Variants in PWWP3A observed in about 807,000 individuals in gnomAD.
PWWP3A encodes PWWP domain containing 3A, DNA repair factor, also known as PWWP domain-containing DNA repair factor 3A.
PWWP3A carries 53 observed loss-of-function variants against 79.0 expected under a neutral mutation model. The observed-to-expected ratio is 0.67, with a 90% CI of 0.54 to 0.84. The LOEUF is 0.84. PWWP3A is among the 40% of genes least tolerant of loss of function. The pLI is 0.00. For missense variants in PWWP3A, 973 were observed against 948.0 expected (o/e 1.03, Z -0.35); for synonymous variants, 443 against 394.4 (o/e 1.12, Z -1.46).
In PWWP3A at chr19:1,360,558, C is replaced by A. The variant is rs769128072; in HGVS notation, c.637C>A (p.Leu213Ile). Residue 213 changes from leucine to isoleucine, a missense_variant, in exon 5 of 14, where the codon CTT (leucine) becomes ATT (isoleucine). Transcript: ENST00000591337. This position sits in a 1 kb window ranked among gnomAD's most constrained non-coding sequence, Gnocchi z 4.4. ...GSRIHHKNWTLASKRGGNSAQ... is the reference protein window; with the variant it reads ...GSRIHHKNWTIASKRGGNSAQ... ...CAGAATCCACCACAAAAATTGGACT[C>A]TTGCAAGTAAGAGGGGAGGAAACTC... 2 of 1,614,236 alleles carry A rather than the reference C, an allele frequency of 1.2e-6. No individual in the cohort carries two copies. Among genetic ancestry groups the A allele is most frequent in the South Asian group, 2.2e-5 (2 of 91,088 alleles).
chr19:1,356,924 C>T, intron 2 of PWWP3A, 85 bp from the exon 3 acceptor site: 1 of 1,048,266 alleles, frequency 9.5e-7, no homozygotes, highest in Non-Finnish European at 1.4e-6. Flanking sequence ...TTCAGGATTA[C>T]CTGCTGCATT....
Position 1,375,566 on chromosome 19 carries a change from A to AATAATTTTATATATTGT in PWWP3A, c.2076-950_2076-949insATTTTATATATTGTATA, listed in dbSNP as rs1568965688. On this transcript the variant is annotated intron_variant, in intron 13 of 13. Coordinates refer to ENST00000591337, the MANE Select transcript of PWWP3A (RefSeq NM_001369789.1). ...TATATAAAATATATATTATATATAA[A>AATAATTTTATATATTGT]ATATATTATATATAAAATGTATAAT... Among the ~76,000 whole-genome samples, 6 of 81,316 alleles carry AATAATTTTATATATTGT rather than the reference A, an allele frequency of 7.4e-5. No individual in the cohort carries two copies. The South Asian group carries it at 1.1e-3, about 15-fold the overall frequency. The allele number at this position is 81,316 out of a possible 152,430, so 53.3% of individuals were successfully genotyped here.
At chr19:1,373,029 T>A (rs755887351) in intron 12 of PWWP3A, 43 bp from the exon 13 acceptor site, 3 of 1,588,966 alleles carry the variant, frequency 1.9e-6, no homozygotes, top group South Asian at 1.1e-5. Flanking sequence ...TTGGGGCCAG[T>A]TGGGCAGTGC....
At chr19:1,367,400 G>A (rs1419483298) in intron 9 of PWWP3A, among the ~76,000 whole-genome samples, 180 bp downstream of exon 9, 1 of 152,236 alleles carries the variant, frequency 6.6e-6, no homozygotes, top group Non-Finnish European at 1.5e-5. Flanking sequence ...CAGTCACTGC[G>A]CTGAATTCTC....
chr19:1,364,492 TTTTTC>T lies in PWWP3A; in HGVS notation c.1214-13_1214-9del. On this transcript the variant is annotated splice_polypyrimidine_tract_variant and intron_variant, in intron 6 of 13. Coordinates refer to ENST00000591337, the MANE Select transcript of PWWP3A (RefSeq NM_001369789.1). ...TCTATTCTTTTTTTTTTGTTTTTCT[TTTTTC>T]TTTAATTCTAGAACCACGTTCGTTT... The T allele has an allele frequency of 6.3e-7, 1 of 1,577,444 alleles. No individual in the cohort carries two copies. The highest frequency in any genetic ancestry group is 2.2e-5 in the East Asian group (1 of 44,746).
chr19:1,356,246 C>G (rs2081861769), intron 1 of PWWP3A, 78 bp from the exon 2 acceptor site: 2 of 758,772 alleles, frequency 2.6e-6, no homozygotes, highest in African/African-American at 1.7e-5. Flanking sequence ...TCGAGCTAAC[C>G]TTTGCCCCTG....
chr19:1,369,303 G>A lies in PWWP3A; in HGVS notation c.1461G>A (p.Trp487Ter). 6.2e-7 allele frequency: 1 copy of A among 1,614,112 alleles called. No homozygotes were observed. The highest frequency in any genetic ancestry group is 8.5e-7 in the Non-Finnish European group (1 of 1,180,030). Reference protein sequence around the residue: ...AREDFNQDIGWCVSLITDYRV... With the variant: ...AREDFNQDIG Reference sequence around the variant, plus strand: ...AGGACTTCAACCAGGACATCGGCTGGTGTGTCTCCCTCATCACCGACTACA... The same window carrying A: ...AGGACTTCAACCAGGACATCGGCTGATGTGTCTCCCTCATCACCGACTACA... Residue 487 changes from tryptophan to a stop codon, truncating the protein, a stop_gained, in exon 10 of 14, where the codon TGG becomes TGA. Transcript: ENST00000591337. LOFTEE classifies it high-confidence loss of function. The surrounding 1 kb of genome is among the most constrained non-coding windows in gnomAD (Gnocchi z 4.0).
intron 11 of PWWP3A, among the ~76,000 whole-genome samples, chr19:1,370,227 C>T (rs986504539): frequency 1.8e-4 from 28 of 152,158 alleles, no homozygotes; most frequent in African/African-American, 6.8e-4. Flanking sequence ...CAGAGCAAGA[C>T]CTGGTCTCAA....
chr19:1,374,505 C>G (rs1050991329), intron 13 of PWWP3A: 1 of 152,240 alleles, frequency 6.6e-6, no homozygotes, highest in African/African-American at 2.4e-5. Context: ...CCATGAGCCT[C>G]TCTGCACTCT....
chr19:1,369,158 G>A lies in PWWP3A; in HGVS notation c.1423-107G>A, dbSNP rs189113809. On this transcript the variant is annotated intron_variant, in intron 9 of 13. Transcript: ENST00000591337. This position sits in a 1 kb window ranked among gnomAD's most constrained non-coding sequence, Gnocchi z 4.0. Reference sequence around the variant, plus strand: ...GAGGGTCAGAGGTGCGGGCTGGAGCGTGAGCAGCCTGGACACCTGGCTGGT... The same window carrying A: ...GAGGGTCAGAGGTGCGGGCTGGAGCATGAGCAGCCTGGACACCTGGCTGGT... The A allele has an allele frequency of 4.4e-5, 44 of 989,018 alleles. No homozygotes were observed. The highest frequency in any genetic ancestry group is 2.4e-4 in the African/African-American group (15 of 62,508). The allele number at this position is 989,018 out of a possible 1,614,324, so 61.3% of individuals were successfully genotyped here.
chr19:1,368,182 C>CA lies in PWWP3A; in HGVS notation c.1422+965dup, dbSNP rs574399352. 1.3e-5 allele frequency among the ~76,000 whole-genome samples: 2 copies of CA among 152,178 alleles called. No individual in the cohort carries two copies. The highest frequency in any genetic ancestry group is 2.9e-5 in the Non-Finnish European group (2 of 68,028). On this transcript the variant is annotated intron_variant, in intron 9 of 13. Transcript: ENST00000591337. The surrounding 1 kb of genome is among the most constrained non-coding windows in gnomAD (Gnocchi z 4.7). Reference sequence around the variant, plus strand: ...TCATGATCCGCCTGCCTCAGCCTCTCAAAGTGCTGGGATTACAGGTGTGAG... The same window carrying CA: ...TCATGATCCGCCTGCCTCAGCCTCTCAAAAGTGCTGGGATTACAGGTGTGAG...
chr19:1,360,257 A>C lies in PWWP3A; in HGVS notation c.336A>C (p.Thr112=), dbSNP rs761827764. 8.1e-6 allele frequency: 13 copies of C among 1,613,918 alleles called. No individual in the cohort carries two copies. Among genetic ancestry groups the C allele is most frequent in the Admixed American group, 1.7e-5 (1 of 59,968 alleles). The part of the protein sequence containing the change: ...SIWSQESSAG[T]GRADRSLRGK... The stretch of plus-strand genomic sequence containing the variant: ...GGAGTCAAGAAAGCTCTGCAGGGAC[A>C]GGTAGAGCTGACCGGTCTCTGCGAG... Residue 112 remains threonine (T), a synonymous_variant, in exon 5 of 14, where the codon ACA becomes ACC. Coordinates refer to ENST00000591337, the MANE Select transcript of PWWP3A (RefSeq NM_001369789.1). The surrounding 1 kb of genome is among the most constrained non-coding windows in gnomAD (Gnocchi z 4.4).
intron 11 of PWWP3A, 118 bp from the exon 12 acceptor site, chr19:1,370,524 C>T (rs942170557): frequency 2.2e-5 from 20 of 909,462 alleles, no homozygotes; most frequent in Admixed American, 3.5e-5. Flanking sequence ...ACACGGAGCT[C>T]GATCGCTAGG....
Position 1,371,027 on chromosome 19 carries a change from GCGCA to G in PWWP3A, c.1937_1940del (p.Arg646ProfsTer43). The G allele has an allele frequency of 6.3e-7, 1 of 1,575,132 alleles. No individual in the cohort carries two copies. Among genetic ancestry groups the G allele is most frequent in the Non-Finnish European group, 8.6e-7 (1 of 1,160,182 alleles). Reference sequence around the variant, plus strand: ...AGGAGGTGGGGGCCAAGGTGCTCCAGCGCACCAACGGCGACCGGATCCGGTTCAT... The same window carrying G: ...AGGAGGTGGGGGCCAAGGTGCTCCAGCCAACGGCGACCGGATCCGGTTCAT... On this transcript the variant is annotated frameshift_variant, in exon 12 of 14. Transcript: ENST00000591337. LOFTEE classifies it high-confidence loss of function.
intron 1 of PWWP3A, among the ~76,000 whole-genome samples, 165 bp downstream of exon 1, chr19:1,355,300 C>G (rs1333075762): frequency 6.6e-6 from 1 of 151,912 alleles, no homozygotes; most frequent in African/African-American, 2.4e-5. Context: ...CCGCCCCTGG[C>G]GCCGTGGGCC....
In PWWP3A at chr19:1,358,435, C is replaced by T. The variant is rs2081933841; in HGVS notation, c.185C>T (p.Ser62Phe). 1.2e-6 allele frequency: 2 copies of T among 1,613,928 alleles called. No homozygotes were observed. The change falls in exon 4 of 14, where the codon TCT (serine) becomes TTT (phenylalanine). Residue 62 changes from serine to phenylalanine, a missense_variant. Transcript: ENST00000591337. ...KSTEVEILEK[S>F]QIEAIASSLA... ...ACTGAAGTTGAGATCCTAGAGAAGT[C>T]TCAAATTGAAGCCATTGCTTCCTCG...
chr19:1,358,527 G>A (rs540553186), intron 4 of PWWP3A, 63 bp downstream of exon 4: 11 of 1,606,644 alleles, frequency 6.8e-6, no homozygotes, highest in Admixed American at 1.7e-5. Flanking sequence ...TTGGGAGAAT[G>A]TGAAGGCTCA....
At chr19:1,372,922 G>A in intron 12 of PWWP3A, 150 bp from the exon 13 acceptor site, 1 of 613,634 alleles carries the variant, frequency 1.6e-6, no homozygotes, top group Non-Finnish European at 2.9e-6. Flanking sequence ...GGGATTCATG[G>A]ACTAGGTTTG....
Position 1,360,708 on chromosome 19 carries a change from G to T in PWWP3A, c.787G>T (p.Asp263Tyr), listed in dbSNP as rs753586929. The T allele has an allele frequency of 1.9e-6, 3 of 1,613,342 alleles. No homozygotes were observed. The highest frequency in any genetic ancestry group is 1.3e-5 in the African/African-American group (1 of 74,926). ...PSLPSGVRED[D>Y]PCANAEGHDP... ...CTTGCCCTCCGGGGTCAGGGAGGAC[G>T]ATCCCTGTGCCAACGCTGAGGGACA... The change falls in exon 5 of 14, where the codon GAT (aspartate) becomes TAT (tyrosine). Residue 263 changes from aspartate to tyrosine, a missense_variant. Coordinates refer to ENST00000591337, the MANE Select transcript of PWWP3A (RefSeq NM_001369789.1). This position sits in a 1 kb window ranked among gnomAD's most constrained non-coding sequence, Gnocchi z 4.4.
Sources: gnomAD v4.1 joint callset for allele counts (sites outside exome capture counted in the v4.1 genomes callset) on GRCh38, gnomAD v4.1.1 for gene constraint, Gnocchi (gnomAD v3.1) non-coding constraint, MANE v1.5 for transcripts, NCBI Gene and HGNC (gene_info 2026-07-23, HGNC 2026-07-21) for gene names.